Variants in BTBD9 observed in about 807,000 individuals in gnomAD.
BTBD9 encodes BTB/POZ domain-containing protein 9.
A neutral mutation model predicts 64.3 loss-of-function variants in BTBD9; 49 were observed. That is an observed-to-expected ratio of 0.76 (90% CI 0.61 to 0.97). The LOEUF is 0.97. Ranked by LOEUF, BTBD9 falls within the 50% of genes least tolerant of loss-of-function variation. BTBD9 has a pLI of 0.00. For synonymous variants in BTBD9, 260 were observed against 274.7 expected, an observed-to-expected ratio of 0.95 and a Z score of 0.53; for missense variants, 598 against 762.1, an observed-to-expected ratio of 0.78 and a Z score of 2.53.
chr6:38,440,899 C>A (rs556306857), intron 6 of BTBD9, among the ~76,000 whole-genome samples: 10 of 152,118 alleles, frequency 6.6e-5, no homozygotes, highest in Admixed American at 5.2e-4. Context: ...TTGGCCAAAT[C>A]TAGAATTTTT....
At chr6:38,517,648 T>G (rs759572162) in intron 6 of BTBD9, among the ~76,000 whole-genome samples, 7 of 152,132 alleles carry the variant, frequency 4.6e-5, no homozygotes, top group Non-Finnish European at 1.0e-4. Flanking sequence ...CAGGAAGAAA[T>G]ATCAGGCAGA....
chr6:38,255,017 C>CT, intron 9 of BTBD9, among the ~76,000 whole-genome samples: 1 of 152,298 alleles, frequency 6.6e-6, no homozygotes, highest in Non-Finnish European at 1.5e-5. Flanking sequence ...ACTCAAATGT[C>CT]TATCAACTGA....
chr6:38,602,508 A>G (rs1372694732), intron 1 of BTBD9, among the ~76,000 whole-genome samples: 2 of 152,168 alleles, frequency 1.3e-5, no homozygotes, highest in Non-Finnish European at 2.9e-5. Flanking sequence ...AAATACACTG[A>G]AAAAGCAAGA....
intron 2 of BTBD9, among the ~76,000 whole-genome samples, chr6:38,597,481 C>T (rs937108794): frequency 1.2e-4 from 18 of 152,194 alleles, no homozygotes; most frequent in African/African-American, 4.3e-4. Flanking sequence ...AAGTGCACGT[C>T]TTAGATCTGC....
intron 6 of BTBD9, among the ~76,000 whole-genome samples, chr6:38,418,106 G>A (rs192956058): frequency 2.4e-4 from 36 of 152,234 alleles, no homozygotes; most frequent in African/African-American, 7.2e-4. Flanking sequence ...CCCATAAAAA[G>A]TCAGATTTAA....
intron 6 of BTBD9, among the ~76,000 whole-genome samples, chr6:38,517,460 TCTC>T (rs1773086976): frequency 6.6e-6 from 1 of 152,012 alleles, no homozygotes; most frequent in Non-Finnish European, 1.5e-5. Context: ...CACCTTCCCC[TCTC>T]CTTCTCTTAG....
intron 1 of BTBD9, among the ~76,000 whole-genome samples, chr6:38,628,487 G>A (rs1778246788): frequency 6.6e-6 from 1 of 152,112 alleles, no homozygotes; most frequent in South Asian, 2.1e-4. Flanking sequence ...AAGTAAATAT[G>A]TTGTCAATAA....
chr6:38,477,662 A>G (rs1770949345), intron 6 of BTBD9, among the ~76,000 whole-genome samples: 1 of 152,234 alleles, frequency 6.6e-6, no homozygotes, highest in Non-Finnish European at 1.5e-5. Flanking sequence ...CCCTAGTGTT[A>G]TCATAACTTA....
At chr6:38,199,446 A>G (rs764675988) in intron 9 of BTBD9, among the ~76,000 whole-genome samples, 2 of 152,228 alleles carry the variant, frequency 1.3e-5, no homozygotes, top group African/African-American at 2.4e-5. Flanking sequence ...TTACTATGGA[A>G]TAAGCCCATT....
At position 38,344,986 on chromosome 6, in the gene BTBD9, A is replaced by T; in HGVS notation, c.1262T>A (p.Ile421Lys). 6.3e-7 allele frequency: 1 copy of T among 1,583,782 alleles called. No homozygotes were observed. Among genetic ancestry groups the T allele is most frequent in the Non-Finnish European group, 8.7e-7 (1 of 1,155,896 alleles). ...AAAAATCTAATGGTAATACTTACCT[A>T]TCAGCCCCTTCTCAAGAGTGAAGGT... is the stretch of plus-strand genomic sequence containing the variant. ...NKTFTLEKGL[I>K]VPMENVATIA... The change falls in exon 7 of 11, where the codon ATA (isoleucine) becomes AAA (lysine). Residue 421 changes from isoleucine to lysine, a missense_variant and splice_region_variant. By Grantham distance (102) the Ile-to-Lys change is moderately radical. Coordinates refer to ENST00000481247, the MANE Select transcript of BTBD9 (RefSeq NM_001099272.2).
intron 6 of BTBD9, among the ~76,000 whole-genome samples, chr6:38,433,467 TGAGC>T (rs2127298026): frequency 6.6e-6 from 1 of 151,898 alleles, no homozygotes; most frequent in East Asian, 1.9e-4. Context: ...CCACCTTAAC[TGAGC>T]GATTAACCTT....
intron 6 of BTBD9, among the ~76,000 whole-genome samples, chr6:38,456,892 A>G (rs1292251488): frequency 6.6e-6 from 1 of 152,218 alleles, no homozygotes; most frequent in Admixed American, 6.5e-5. Context: ...CTTTCACTAA[A>G]TTATCTGGCC....
rs570066343 is a variant in BTBD9 at position 38,275,273 on chromosome 6, G to T, written c.1454+12999C>A. ...AAGGATTCCCTATTTAATAAATGGT[G>T]CTGGGAAAACTGGCTAGCCATATGT... On this transcript the variant is annotated intron_variant, in intron 8 of 10. Transcript: ENST00000481247. 2.0e-3 allele frequency among the ~76,000 whole-genome samples: 310 copies of T among 151,856 alleles called. 1 individual carries two copies. The highest frequency in any genetic ancestry group is 7.1e-3 in the African/African-American group (293 of 41,482).
intron 4 of BTBD9, among the ~76,000 whole-genome samples, chr6:38,590,393 A>G (rs937495853): frequency 6.6e-6 from 1 of 152,214 alleles, no homozygotes; most frequent in Non-Finnish European, 1.5e-5. Context: ...ACCAGATTGT[A>G]CAACTAGTAA....
chr6:38,438,210 G>A (rs868158357), intron 6 of BTBD9, among the ~76,000 whole-genome samples: 3,265 of 49,038 alleles, frequency 0.067, 172 homozygotes, highest in African/African-American at 0.23. Flanking sequence ...AAAGGAAGGA[G>A]GGAGGGAGGG....
At chr6:38,337,062 C>T (rs1362187515) in intron 7 of BTBD9, among the ~76,000 whole-genome samples, 2 of 152,190 alleles carry the variant, frequency 1.3e-5, no homozygotes, top group Non-Finnish European at 2.9e-5. Context: ...TAGACTAGTT[C>T]AGACTCACTA....
At chr6:38,290,260 A>C (rs181949409) in intron 7 of BTBD9, among the ~76,000 whole-genome samples, 2 of 151,578 alleles carry the variant, frequency 1.3e-5, no homozygotes, top group Admixed American at 1.3e-4. Context: ...ACACCGGTGA[A>C]ATTACCTGTA....
intron 7 of BTBD9, among the ~76,000 whole-genome samples, chr6:38,326,220 T>C (rs570794071): frequency 2.6e-5 from 4 of 152,202 alleles, no homozygotes; most frequent in African/African-American, 9.6e-5. Context: ...GAACAGCAAG[T>C]GCAAAGACAC....
intron 6 of BTBD9, among the ~76,000 whole-genome samples, chr6:38,476,725 A>G (rs767395669): frequency 3.3e-5 from 5 of 152,264 alleles, no homozygotes; most frequent in African/African-American, 1.2e-4. Flanking sequence ...AAAAAAGATA[A>G]TAAGTGTCAA....
Sources: allele counts gnomAD v4.1 joint callset (sites outside exome capture counted in the v4.1 genomes callset), GRCh38; gene constraint gnomAD v4.1.1; transcripts MANE v1.5; gene names NCBI Gene and HGNC (gene_info 2026-07-23, HGNC 2026-07-21).